Variants in AS3MT observed in about 807,000 individuals in gnomAD.
AS3MT encodes the protein arsenite methyltransferase, also known as S-adenosyl-L-methionine:arsenic(III) methyltransferase.
A neutral mutation model predicts 45.3 loss-of-function variants in AS3MT; 47 were observed. The ratio of observed to expected loss-of-function variants is 1.04; its 90% CI spans 0.82 to 1.32. The LOEUF is 1.32. Among genes scored for constraint, AS3MT ranks in the 40% most tolerant of loss-of-function variants. The pLI is 0.00. For missense variants in AS3MT, 396 were observed against 451.1 expected (o/e 0.88, Z 1.11); for synonymous variants, 141 against 152.8 (o/e 0.92, Z 0.57).
intron 9 of AS3MT, among the ~76,000 whole-genome samples, chr10:102,882,454 A>G (rs113099487): frequency 0.015 from 2,262 of 150,440 alleles, 57 homozygotes; most frequent in African/African-American, 0.052. Flanking sequence ...TGTTGCCCAC[A>G]CTGGGGTACA....
chr10:102,899,642 A>G (rs957029372), intron 10 of AS3MT, among the ~76,000 whole-genome samples: 4 of 150,470 alleles, frequency 2.7e-5, no homozygotes, highest in African/African-American at 9.8e-5. Flanking sequence ...TGAATTCATT[A>G]CCATTATTTA....
chr10:102,897,835 G>A (rs1048037260), intron 10 of AS3MT, among the ~76,000 whole-genome samples: 3 of 152,210 alleles, frequency 2.0e-5, no homozygotes, highest in Admixed American at 6.5e-5. Flanking sequence ...TTCTTTCTGC[G>A]TAGCTGTCCT....
At position 102,871,546 on chromosome 10, in the gene AS3MT, C is replaced by CAAAAAAAA. The variant is rs748797211; in HGVS notation, c.171-877_171-870dup. Among the ~76,000 whole-genome samples the CAAAAAAAA allele has an allele frequency of 7.9e-3, 185 of 23,284 alleles. 15 individuals carry two copies. Among genetic ancestry groups the CAAAAAAAA allele is most frequent in the South Asian group, 0.042 (14 of 332 alleles). The allele number at this position is 23,284 out of a possible 152,430, so 15.3% of individuals were successfully genotyped here. A position where few individuals can be genotyped will look rare whatever the true frequency, so the allele number is the denominator to read the frequency against. On this transcript the variant is annotated intron_variant, in intron 3 of 10. Coordinates refer to ENST00000369880, the MANE Select transcript of AS3MT (RefSeq NM_020682.4). The stretch of plus-strand genomic sequence containing the variant: ...TGGGTGACAGGGCAAGACTCCGTCT[C>CAAAAAAAA]AAAAAAAAAAAAAAAAAAAAAAAAA...
chr10:102,899,229 T>C (rs1003163842), intron 10 of AS3MT, among the ~76,000 whole-genome samples: 1 of 152,116 alleles, frequency 6.6e-6, no homozygotes, highest in Non-Finnish European at 1.5e-5. Context: ...TGACCTCAGG[T>C]GATCCACTGC....
At chr10:102,871,335 A>C (rs1283072894) in intron 3 of AS3MT, among the ~76,000 whole-genome samples, 1 of 152,008 alleles carries the variant, frequency 6.6e-6, no homozygotes, top group Non-Finnish European at 1.5e-5. Context: ...TCACGAGGCC[A>C]GGAGATCGAG....
At chr10:102,893,491 T>TTTCC (rs1486899223) in intron 10 of AS3MT, among the ~76,000 whole-genome samples, 1 of 140,850 alleles carries the variant, frequency 7.1e-6, no homozygotes, top group Non-Finnish European at 1.6e-5. Flanking sequence ...GCTAATTTTT[T>TTTCC]TTTCTTTTTT....
chr10:102,875,823 A>G (rs1844775623), intron 6 of AS3MT, among the ~76,000 whole-genome samples: 1 of 151,860 alleles, frequency 6.6e-6, no homozygotes, highest in Non-Finnish European at 1.5e-5. Context: ...AGATTTCACC[A>G]TATTGGTCAG....
intron 2 of AS3MT, 61 bp downstream of exon 2, chr10:102,869,906 G>A: frequency 1.2e-6 from 2 of 1,603,844 alleles, no homozygotes; most frequent in Non-Finnish European, 1.7e-6. Flanking sequence ...AGTCTGGCCT[G>A]GCCCGCACCC....
At chr10:102,890,753 C>G in intron 10 of AS3MT, 75 bp downstream of exon 10, 1 of 1,440,774 alleles carries the variant, frequency 6.9e-7, no homozygotes, top group Non-Finnish European at 9.5e-7. Flanking sequence ...CTCTGTCACC[C>G]AGACTGGAGT....
At chr10:102,897,692 C>A (rs958307539) in intron 10 of AS3MT, among the ~76,000 whole-genome samples, 4 of 152,090 alleles carry the variant, frequency 2.6e-5, no homozygotes, top group Non-Finnish European at 5.9e-5. Context: ...TGGTGAACTC[C>A]TGAGCTCAGG....
intron 10 of AS3MT, among the ~76,000 whole-genome samples, chr10:102,895,976 A>G (rs538138768): frequency 1.7e-4 from 26 of 151,966 alleles, no homozygotes; most frequent in Middle Eastern, 3.4e-3. Context: ...GGGTTTTACC[A>G]TGTTGGTCAA....
chr10:102,890,737 GTCTC>G lies in AS3MT; in HGVS notation c.1020+65_1020+68del, dbSNP rs746215198. 1.3e-5 allele frequency: 20 copies of G among 1,513,276 alleles called. No individual in the cohort carries two copies. In the African/African-American group the frequency reaches 2.1e-4, roughly 16 times the overall value. The allele number at this position is 1,513,276 out of a possible 1,614,324, so 93.7% of individuals were successfully genotyped here. A position where few individuals can be genotyped will look rare whatever the true frequency, so the allele number is the denominator to read the frequency against. ...TTTATTTATTTATTTTTGAGATGGA[GTCTC>G]TCTCTGTCACCCAGACTGGAGTGCA... On this transcript the variant is annotated intron_variant, in intron 10 of 10. Coordinates refer to ENST00000369880, the MANE Select transcript of AS3MT (RefSeq NM_020682.4).
chr10:102,891,137 C>G (rs753789895), intron 10 of AS3MT, among the ~76,000 whole-genome samples: 2 of 152,166 alleles, frequency 1.3e-5, no homozygotes, highest in Non-Finnish European at 2.9e-5. Context: ...GCCCAACTCC[C>G]GAGATCTTAT....
Position 102,900,730 on chromosome 10 carries a change from T to C in AS3MT, c.*30T>C, listed in dbSNP as rs766761833. ...ATAGCCAACCAGGGGACCACAGTAG[T>C]GGGCAAGAGTGATCTGCATGTTTTT... On this transcript the variant is annotated 3_prime_UTR_variant, in exon 11 of 11. Coordinates refer to ENST00000369880, the MANE Select transcript of AS3MT (RefSeq NM_020682.4). 5.9e-6 allele frequency: 9 copies of C among 1,519,052 alleles called. No homozygotes were observed. The South Asian group carries it at 1.0e-4, about 17-fold the overall frequency. 94.1% of individuals were successfully genotyped at this position (1,519,052 alleles called of 1,614,324 possible).
intron 5 of AS3MT, 42 bp downstream of exon 5, chr10:102,873,275 T>TTTA (rs547139234): frequency 0.016 from 20,899 of 1,320,304 alleles, 189 homozygotes; most frequent in Middle Eastern, 0.022. Context: ...GCCCATTTTC[T>TTTA]TTATTATTAT....
intron 6 of AS3MT, among the ~76,000 whole-genome samples, chr10:102,876,164 T>A (rs1427028850): frequency 6.6e-6 from 1 of 152,068 alleles, no homozygotes. Context: ...AATGTTAAGT[T>A]CCTGATCACT....
rs1411501520 is a variant in AS3MT, at chr10:102,877,038, AG to A, written c.610+5del. Reference sequence around the variant, plus strand: ...CAGGACACACAAAGTTTTATGGGGTAGGTGATTTTGTTTAGTTTAGTATTAA... The same window carrying A: ...CAGGACACACAAAGTTTTATGGGGTAGTGATTTTGTTTAGTTTAGTATTAA... On this transcript the variant is annotated splice_donor_region_variant and intron_variant, in intron 7 of 10. Transcript: ENST00000369880. 2 of 1,613,626 alleles carry A rather than the reference AG, an allele frequency of 1.2e-6. No homozygotes were observed. Among genetic ancestry groups the A allele is most frequent in the African/African-American group, 2.7e-5 (2 of 74,926 alleles).
rs566140119 is a variant in AS3MT, at chr10:102,878,547, C to T, written c.742+37C>T. The T allele has an allele frequency of 8.0e-5, 129 of 1,605,388 alleles. 2 individuals are homozygous for T. In the South Asian group the frequency reaches 1.3e-3, roughly 17 times the overall value. On this transcript the variant is annotated intron_variant, in intron 8 of 10. Transcript: ENST00000369880. ...CAGACAGCAGGGACTATTATAACTA[C>T]AGCTTGAATGATTGAAATGTGGTGA...
chr10:102,874,650 C>T lies in AS3MT; in HGVS notation c.517C>T (p.Arg173Trp), dbSNP rs35232887. The T allele has an allele frequency of 4.6e-4, 741 of 1,608,002 alleles. No homozygotes were observed. In the African/African-American group the frequency reaches 7.1e-3, roughly 15 times the overall value. The change falls in exon 6 of 11, where the codon CGG becomes TGG. Residue 173 changes from arginine to tryptophan, a missense_variant. Transcript: ENST00000369880. Reference protein sequence around the residue: ...DKQQVLQEAYRVLKHGGELYF... With the variant: ...DKQQVLQEAYWVLKHGGELYF... ...ACAACAAGTGCTTCAGGAGGCATAT[C>T]GGGTGCTGAAGGTGAGGAGGAGAGT...
Sources: gnomAD v4.1 joint callset for allele counts (sites outside exome capture counted in the v4.1 genomes callset) on GRCh38, gnomAD v4.1.1 for gene constraint, MANE v1.5 for transcripts, NCBI Gene and HGNC (gene_info 2026-07-23, HGNC 2026-07-21) for gene names.